The following CCBE1 variants were observed in gnomAD, a reference collection of about 807,000 sequenced individuals.
CCBE1 encodes the protein collagen and calcium-binding EGF domain-containing protein 1.
CCBE1 carries 37 observed loss-of-function variants against 50.0 expected under a neutral mutation model. The ratio of observed to expected loss-of-function variants is 0.74; its 90% CI spans 0.57 to 0.97. The LOEUF (loss-of-function observed/expected upper bound fraction) is 0.97, where lower values mean the gene tolerates loss of function less well. CCBE1 is among the 50% of genes least tolerant of loss of function. The pLI is 0.00. For synonymous variants in CCBE1, 234 were observed against 203.7 expected (o/e 1.15, Z -1.27); for missense variants, 538 against 523.8 (o/e 1.03, Z -0.26).
intron 2 of CCBE1, among the ~76,000 whole-genome samples, chr18:59,530,073 T>A (rs944692949): frequency 6.6e-6 from 1 of 152,204 alleles, no homozygotes; most frequent in Non-Finnish European, 1.5e-5. Flanking sequence ...GTGATGCTGA[T>A]GCTGCTGTTC....
At chr18:59,601,642 C>A (rs1432658483) in intron 2 of CCBE1, among the ~76,000 whole-genome samples, 1 of 152,172 alleles carries the variant, frequency 6.6e-6, no homozygotes, top group African/African-American at 2.4e-5. Context: ...AAGTGAACCA[C>A]CCACCTTGAT....
intron 2 of CCBE1, among the ~76,000 whole-genome samples, chr18:59,655,361 G>A (rs992261966): frequency 6.6e-6 from 1 of 152,160 alleles, no homozygotes; most frequent in African/African-American, 2.4e-5. Context: ...TCACTGGCTG[G>A]GGCAATGTCA....
At chr18:59,550,968 G>C (rs949954924) in intron 2 of CCBE1, among the ~76,000 whole-genome samples, 18 of 123,614 alleles carry the variant, frequency 1.5e-4, no homozygotes, top group African/African-American at 5.0e-4. Flanking sequence ...TCGCGCCACT[G>C]CACTCCAGCC....
intron 2 of CCBE1, among the ~76,000 whole-genome samples, chr18:59,583,773 C>G (rs1025533140): frequency 5.3e-5 from 8 of 151,874 alleles, no homozygotes; most frequent in Non-Finnish European, 1.2e-4. Context: ...ATTTTTTTGT[C>G]TTAAGGGCTG....
chr18:59,603,727 C>A (rs1030004142), intron 2 of CCBE1, among the ~76,000 whole-genome samples: 3 of 152,176 alleles, frequency 2.0e-5, no homozygotes. Flanking sequence ...AAGAGACACA[C>A]CAATTTTATT....
In CCBE1 at chr18:59,640,751, C is replaced by T. The variant is rs138690603; in HGVS notation, c.212+55878G>A. Among the ~76,000 whole-genome samples, 1,023 of 152,190 alleles carry T rather than the reference C, an allele frequency of 6.7e-3. 6 individuals are homozygous for T. Among genetic ancestry groups the T allele is most frequent in the African/African-American group, 0.022 (934 of 41,538 alleles). On this transcript the variant is annotated intron_variant, in intron 2 of 10. Coordinates refer to ENST00000439986, the MANE Select transcript of CCBE1 (RefSeq NM_133459.4). Reference sequence around the variant, plus strand: ...TACAAACTATGTATCTGACAAAAGTCTAATATCCAGAATCTATAAGGAACT... The same window carrying T: ...TACAAACTATGTATCTGACAAAAGTTTAATATCCAGAATCTATAAGGAACT...
At chr18:59,481,372 G>C (rs762727703) in intron 2 of CCBE1, among the ~76,000 whole-genome samples, 2 of 152,144 alleles carry the variant, frequency 1.3e-5, no homozygotes, top group Non-Finnish European at 2.9e-5. Context: ...AGTTGTAGAG[G>C]GAGAGGAGAC....
intron 2 of CCBE1, among the ~76,000 whole-genome samples, chr18:59,562,381 A>C (rs970221730): frequency 6.6e-6 from 1 of 152,188 alleles, no homozygotes; most frequent in Non-Finnish European, 1.5e-5. Flanking sequence ...ATCCTCTCCC[A>C]CCACAGACAA....
At position 59,433,495 on chromosome 18, in the gene CCBE1, A is replaced by G. The variant is rs1910013648; in HGVS notation, c.*2413T>C. ...GACTGACATGAGTCCTGCATTTCCA[A>G]CGTGGTAGGAAGAAGGGAAGGAAGA... On this transcript the variant is annotated 3_prime_UTR_variant, in exon 11 of 11. Transcript: ENST00000439986. 6.6e-6 allele frequency: 1 copy of G among 152,152 alleles called. No homozygotes were observed. The highest frequency in any genetic ancestry group is 2.1e-4 in the South Asian group (1 of 4,818). The allele number at this position is 152,152 out of a possible 1,614,324, so 9.4% of individuals were successfully genotyped here. A position where few individuals can be genotyped will look rare whatever the true frequency, so the allele number is the denominator to read the frequency against.
Position 59,641,265 on chromosome 18 carries a change from T to C in CCBE1, c.212+55364A>G, listed in dbSNP as rs1211116616. On this transcript the variant is annotated intron_variant, in intron 2 of 10. Transcript: ENST00000439986. ...AAAATGTGGTATACACACCATAGAA[T>C]ACTACATAGCTATAAAAAAGAAGAT... Among the ~76,000 whole-genome samples, 49 of 152,026 alleles carry C rather than the reference T, an allele frequency of 3.2e-4. 1 individual carries two copies. Among genetic ancestry groups the C allele is most frequent in the Admixed American group, 3.1e-3 (47 of 15,260 alleles).
chr18:59,518,836 G>A (rs1258669025), intron 2 of CCBE1, among the ~76,000 whole-genome samples: 1 of 152,192 alleles, frequency 6.6e-6, no homozygotes, highest in Non-Finnish European at 1.5e-5. Flanking sequence ...CCTAAAGTGA[G>A]AAACAGGAAA....
chr18:59,692,569 A>T (rs757332558), intron 2 of CCBE1, among the ~76,000 whole-genome samples: 1 of 152,208 alleles, frequency 6.6e-6, no homozygotes, highest in Non-Finnish European at 1.5e-5. Context: ...CTAGAGCCCA[A>T]TGCTATCAAT....
chr18:59,529,412 T>A (rs1914960979), intron 2 of CCBE1, among the ~76,000 whole-genome samples: 1 of 152,206 alleles, frequency 6.6e-6, no homozygotes. Flanking sequence ...GAACTTGTAG[T>A]CTTAGGCAGT....
At chr18:59,445,798 G>A (rs990038316) in intron 7 of CCBE1, among the ~76,000 whole-genome samples, 2 of 152,116 alleles carry the variant, frequency 1.3e-5, no homozygotes, top group Non-Finnish European at 2.9e-5. Flanking sequence ...TACACAATCA[G>A]TACACTACAG....
At chr18:59,488,881 C>G (rs9944781) in intron 2 of CCBE1, among the ~76,000 whole-genome samples, 48,417 of 152,030 alleles carry the variant, frequency 0.32, 8,319 homozygotes, top group African/African-American at 0.44. Context: ...GTGTCTCCCC[C>G]ACCGAGCCCA....
intron 10 of CCBE1, among the ~76,000 whole-genome samples, chr18:59,436,725 T>C (rs1390191352): frequency 6.6e-6 from 1 of 152,194 alleles, no homozygotes; most frequent in African/African-American, 2.4e-5. Flanking sequence ...TCCTAGCACT[T>C]TGGGAGGCCG....
At chr18:59,500,382 G>A (rs1281129302) in intron 2 of CCBE1, among the ~76,000 whole-genome samples, 1 of 152,352 alleles carries the variant, frequency 6.6e-6, no homozygotes, top group South Asian at 2.1e-4. Context: ...TTCGGAGGAA[G>A]GGCAGGCAGG....
chr18:59,623,255 ACTT>A (rs1338926787), intron 2 of CCBE1, among the ~76,000 whole-genome samples: 7 of 152,190 alleles, frequency 4.6e-5, no homozygotes, highest in Non-Finnish European at 8.8e-5. Context: ...TTCACTGGTT[ACTT>A]CTTCTGCTGT....
In CCBE1 at chr18:59,454,830, TC is replaced by T. The variant is rs760019600; in HGVS notation, c.654+20del. On this transcript the variant is annotated intron_variant, in intron 6 of 10. Coordinates refer to ENST00000439986, the MANE Select transcript of CCBE1 (RefSeq NM_133459.4). ...CCCTCCTTCCATCAGGCATCATCGTTCCCACCCCAGCGGCACGTACCTTTTG... is the reference window on the plus strand; with the variant it reads ...CCCTCCTTCCATCAGGCATCATCGTTCCACCCCAGCGGCACGTACCTTTTG... 6.5e-5 allele frequency: 104 copies of T among 1,605,046 alleles called. 1 individual carries two copies. The South Asian group carries it at 1.1e-3, about 17-fold the overall frequency.
Sources: gnomAD v4.1 joint callset for allele counts (sites outside exome capture counted in the v4.1 genomes callset) on GRCh38, gnomAD v4.1.1 for gene constraint, MANE v1.5 for transcripts, NCBI Gene and HGNC (gene_info 2026-07-23, HGNC 2026-07-21) for gene names.